KDM6A: variants seen among roughly 807,000 people sequenced by gnomAD.
The protein encoded by KDM6A is lysine demethylase 6A.
A neutral mutation model predicts 117.6 loss-of-function variants in KDM6A; 11 were observed. That is an observed-to-expected ratio of 0.09 (90% CI 0.06 to 0.15). The LOEUF (loss-of-function observed/expected upper bound fraction) is 0.15. Among genes scored for constraint, KDM6A ranks in the 10% least tolerant of loss-of-function variants. KDM6A has a pLI of 1.00. For synonymous variants in KDM6A, 384 were observed against 396.1 expected, an observed-to-expected ratio of 0.97 and a Z score of 0.36; for missense variants, 799 against 1,077.3, an observed-to-expected ratio of 0.74 and a Z score of 3.62.
chrX:45,071,103 T>C (rs1480829399), intron 18 of KDM6A, among the ~76,000 whole-genome samples: 3 of 112,304 alleles, frequency 2.7e-5, no homozygotes, highest in African/African-American at 9.7e-5. Context: ...TCTCATTTAC[T>C]TGTAGTTGTT....
intron 4 of KDM6A, among the ~76,000 whole-genome samples, chrX:44,982,823 T>C (rs905788085): frequency 1.8e-5 from 2 of 111,724 alleles, no homozygotes; most frequent in African/African-American, 3.3e-5. Context: ...TGGGTTAATG[T>C]CAGGTAGGAG....
intron 6 of KDM6A, among the ~76,000 whole-genome samples, chrX:45,025,339 T>A (rs1183663785): frequency 9.0e-6 from 1 of 111,707 alleles, no homozygotes; most frequent in Non-Finnish European, 1.9e-5. Context: ...ATTTTTGTAT[T>A]TTTAGTAGAG....
chrX:45,109,121 T>TAA (rs1404250760), intron 28 of KDM6A, among the ~76,000 whole-genome samples: 2 of 93,060 alleles, frequency 2.1e-5, no homozygotes, highest in African/African-American at 3.9e-5. Flanking sequence ...AAGTATAATT[T>TAA]AAAAAAATAA....
chrX:44,909,513 C>T (rs1337596353), intron 2 of KDM6A, among the ~76,000 whole-genome samples: 1 of 110,595 alleles, frequency 9.0e-6, no homozygotes, highest in East Asian at 2.8e-4. Flanking sequence ...TTGATCATGT[C>T]TTCTATACTA....
chrX:44,920,510 C>G, intron 2 of KDM6A, among the ~76,000 whole-genome samples: 1 of 109,857 alleles, frequency 9.1e-6, no homozygotes, highest in Middle Eastern at 4.9e-3. Context: ...GCAGTCTCCG[C>G]TCACTGCAAG....
intron 8 of KDM6A, among the ~76,000 whole-genome samples, chrX:45,039,230 C>T (rs1249871619): frequency 9.1e-6 from 1 of 110,470 alleles, no homozygotes; most frequent in Non-Finnish European, 1.9e-5. Context: ...TCTGCCTCCC[C>T]ATCCCTCCTC....
chrX:45,039,726 T>C (rs1386791759), intron 8 of KDM6A, among the ~76,000 whole-genome samples: 7 of 71,799 alleles, frequency 9.7e-5, no homozygotes, highest in African/African-American at 3.1e-4. Context: ...AGGAGCATGC[T>C]GCCTTCAAGC....
At chrX:44,960,935 A>G (rs2038635640) in intron 2 of KDM6A, among the ~76,000 whole-genome samples, 2 of 112,117 alleles carry the variant, frequency 1.8e-5, no homozygotes, top group Non-Finnish European at 3.8e-5. Context: ...CATATTATTT[A>G]TATTTGAGAG....
chrX:44,915,125 C>T (rs1022058656), intron 2 of KDM6A, among the ~76,000 whole-genome samples: 3 of 111,470 alleles, frequency 2.7e-5, no homozygotes, highest in African/African-American at 9.8e-5. Context: ...TAGTCATCTG[C>T]TTAGTATGAA....
chrX:45,021,596 T>TA (rs966328756), intron 6 of KDM6A, among the ~76,000 whole-genome samples: 17 of 111,128 alleles, frequency 1.5e-4, no homozygotes, highest in Admixed American at 2.9e-4. Context: ...AGGTTAAAAA[T>TA]AAAAAAAACT....
chrX:45,090,027 G>A (rs2045823837), intron 26 of KDM6A, 97 bp downstream of exon 26: 1 of 676,866 alleles, frequency 1.5e-6, no homozygotes, highest in Admixed American at 3.6e-5. Context: ...ACTAAAAGTT[G>A]TAAGAAGAAT....
intron 4 of KDM6A, among the ~76,000 whole-genome samples, chrX:44,995,510 C>G (rs950224946): frequency 9.1e-6 from 1 of 110,487 alleles, no homozygotes; most frequent in African/African-American, 3.3e-5. Flanking sequence ...TGCTCTGTCT[C>G]CCCCAGGCTG....
At chrX:44,924,177 A>G (rs1199141413) in intron 2 of KDM6A, among the ~76,000 whole-genome samples, 2 of 111,789 alleles carry the variant, frequency 1.8e-5, no homozygotes, top group African/African-American at 6.5e-5. Context: ...TGCTATTTGT[A>G]TCATTTGTGA....
chrX:44,880,446 G>A (rs1312328279), intron 2 of KDM6A, among the ~76,000 whole-genome samples: 1 of 101,529 alleles, frequency 9.8e-6, no homozygotes. Context: ...ATAGATTTCT[G>A]TACTGCTTTT....
chrX:44,926,098 TCTCA>T (rs1313192915), intron 2 of KDM6A, among the ~76,000 whole-genome samples: 1 of 92,733 alleles, frequency 1.1e-5, no homozygotes, highest in Non-Finnish European at 2.1e-5. Flanking sequence ...TGCAGCAGAG[TCTCA>T]CTCTGTTGCC....
chrX:45,057,529 C>T (rs184019881), intron 10 of KDM6A, among the ~76,000 whole-genome samples: 62 of 111,388 alleles, frequency 5.6e-4, no homozygotes, highest in Non-Finnish European at 7.0e-4. Flanking sequence ...TCTTTTTTCA[C>T]TGTCCATAAC....
chrX:45,035,103 CTG>C, intron 7 of KDM6A, 118 bp downstream of exon 7: 1 of 618,666 alleles, frequency 1.6e-6, no homozygotes, highest in African/African-American at 2.2e-5. Context: ...TTTAATGTAA[CTG>C]TATTGGTTGC....
intron 2 of KDM6A, among the ~76,000 whole-genome samples, chrX:44,941,600 C>T (rs1036393277): frequency 9.2e-6 from 1 of 108,843 alleles, no homozygotes; most frequent in Non-Finnish European, 1.9e-5. Flanking sequence ...CCTGCCCCAG[C>T]CTCCCGAGTA....
At chrX:44,939,739 A>G (rs894569894) in intron 2 of KDM6A, among the ~76,000 whole-genome samples, 6 of 111,664 alleles carry the variant, frequency 5.4e-5, no homozygotes, top group Non-Finnish European at 1.1e-4. Flanking sequence ...TTGTTGTCCT[A>G]AGAAACTGCC....
Sources: allele counts gnomAD v4.1 joint callset (sites outside exome capture counted in the v4.1 genomes callset), GRCh38; gene constraint gnomAD v4.1.1; transcripts MANE v1.5; gene names NCBI Gene and HGNC (gene_info 2026-07-23, HGNC 2026-07-21).